Variants in NUP42 observed in about 807,000 individuals in gnomAD.
NUP42 encodes the protein nucleoporin 42.
Under a neutral mutation model 35.9 loss-of-function variants are expected in NUP42, and 47 were observed. That is an observed-to-expected ratio of 1.31 (90% CI 1.04 to 1.67). NUP42 has a LOEUF of 1.67. Among genes scored for constraint, NUP42 ranks in the 40% most tolerant of loss-of-function variants. The pLI is 0.00. For missense variants in NUP42, 514 were observed against 492.2 expected, an observed-to-expected ratio of 1.04 and a Z score of -0.42; for synonymous variants, 173 against 173.3, an observed-to-expected ratio of 1.00 and a Z score of 0.01.
At chr7:23,188,644 AT>A in intron 3 of NUP42, 2 of 578,348 alleles carry the variant, frequency 3.5e-6, no homozygotes, top group Non-Finnish European at 4.4e-6. Context: ...TTTGGGGCAC[AT>A]TTATACTAAA....
intron 2 of NUP42, 109 bp downstream of exon 2, chr7:23,185,407 CTTTAAAAAAAGAAATAATGCATTA>C: frequency 1.3e-6 from 1 of 776,790 alleles, no homozygotes; most frequent in Non-Finnish European, 2.0e-6. Context: ...ACAATATTTT[CTTTAAAAAAAGAAATAATGCATTA>C]TTTTTAAATC....
chr7:23,182,465 A>G, intron 1 of NUP42: 1 of 1,301,044 alleles, frequency 7.7e-7, no homozygotes, highest in Non-Finnish European at 9.8e-7. Context: ...TTAAATCGGA[A>G]GTACCTATCG....
chr7:23,187,578 G>GC (rs1250578066), intron 3 of NUP42, among the ~76,000 whole-genome samples: 3 of 149,872 alleles, frequency 2.0e-5, no homozygotes, highest in Non-Finnish European at 3.0e-5. Flanking sequence ...AGGAGGCTTA[G>GC]CTGGGCTACA....
At chr7:23,195,814 G>C in intron 3 of NUP42, 25 bp from the exon 4 acceptor site, 1 of 1,484,044 alleles carries the variant, frequency 6.7e-7, no homozygotes, top group Non-Finnish European at 9.3e-7. Flanking sequence ...TTATTTTAAA[G>C]ATTCCGATTG....
At chr7:23,187,401 A>G (rs1202458383) in intron 3 of NUP42, 1 of 281,016 alleles carries the variant, frequency 3.6e-6, no homozygotes, top group East Asian at 7.5e-5. Flanking sequence ...TACGTTCTTG[A>G]TTCCCTGTAT....
chr7:23,192,646 T>C (rs975775908), intron 3 of NUP42, among the ~76,000 whole-genome samples: 1 of 152,080 alleles, frequency 6.6e-6, no homozygotes, highest in Admixed American at 6.5e-5. Context: ...TTCATCCTTA[T>C]TGTCTTTATG....
intron 3 of NUP42, among the ~76,000 whole-genome samples, chr7:23,193,005 G>C (rs1029186400): frequency 1.3e-5 from 2 of 152,068 alleles, no homozygotes; most frequent in Admixed American, 1.3e-4. Flanking sequence ...CCTTCTGGTG[G>C]GGTCCGTGGT....
Position 23,183,482 on chromosome 7 carries a change from A to G in NUP42, c.121+1276A>G, listed in dbSNP as rs567068692. ...GTGATACTCCCGCTTCCGTCTTTCA[A>G]AGTGCTGGGATTACAGGCGTGAGCG... On this transcript the variant is annotated intron_variant, in intron 1 of 6. Transcript: ENST00000258742. 6.1e-4 allele frequency among the ~76,000 whole-genome samples: 93 copies of G among 152,256 alleles called. 1 individual carries two copies. The highest frequency in any genetic ancestry group is 8.5e-4 in the Non-Finnish European group (58 of 68,018).
intron 1 of NUP42, chr7:23,182,623 G>A: frequency 1.7e-6 from 1 of 599,280 alleles, no homozygotes; most frequent in Non-Finnish European, 2.1e-6. Context: ...AAACCGGCCG[G>A]GCGGTGGCTC....
rs983366987 is a variant in NUP42 at position 23,185,898 on chromosome 7, C to A, written c.350+600C>A. Among the ~76,000 whole-genome samples the A allele has an allele frequency of 7.2e-5, 11 of 152,280 alleles. No individual in the cohort carries two copies. In the South Asian group the frequency reaches 1.9e-3, roughly 26 times the overall value. ...GGGATTACAGGCTCCTGCCACCAAG[C>A]CAGCTAATTTTTTGTGTTTTTAGTA... is the stretch of plus-strand genomic sequence containing the variant. On this transcript the variant is annotated intron_variant, in intron 2 of 6. Transcript: ENST00000258742.
intron 3 of NUP42, 162 bp from the exon 4 acceptor site, chr7:23,195,677 C>T (rs1278712579): frequency 8.8e-5 from 45 of 508,590 alleles, no homozygotes; most frequent in Non-Finnish European, 3.4e-6. Flanking sequence ...TGTAATTTTA[C>T]ACTTTATTAA....
intron 1 of NUP42, among the ~76,000 whole-genome samples, chr7:23,182,722 A>G (rs13242438): frequency 4.7e-5 from 6 of 128,446 alleles, no homozygotes; most frequent in South Asian, 2.5e-4. Flanking sequence ...ATAGTGAAAC[A>G]CCGTCTTTAC....
In NUP42 at chr7:23,182,189, CGCAGCA is replaced by C; in HGVS notation, c.110_115del (p.Gln37_Gln38del). ...GGTGCAGGAGGAGGACGGCAGCAACCGCAGCAGCAGCCTTCAGGTGACTCTCCTCTG... is the reference window on the plus strand; with the variant it reads ...GGTGCAGGAGGAGGACGGCAGCAACCGCAGCCTTCAGGTGACTCTCCTCTG... On this transcript the variant is annotated inframe_deletion, in exon 1 of 7. Transcript: ENST00000258742. 3 of 1,612,280 alleles carry C rather than the reference CGCAGCA, an allele frequency of 1.9e-6. No homozygotes were observed. Among genetic ancestry groups the C allele is most frequent in the Non-Finnish European group, 1.7e-6 (2 of 1,179,170 alleles).
intron 3 of NUP42, chr7:23,187,996 T>C: frequency 1.0e-6 from 1 of 970,998 alleles, no homozygotes. Flanking sequence ...CTCTCTCTTT[T>C]TTTATTTTTT....
At position 23,195,924 on chromosome 7, in the gene NUP42, G is replaced by C. The variant is rs1417555285; in HGVS notation, c.522+9G>C. 2.6e-6 allele frequency: 4 copies of C among 1,544,250 alleles called. No homozygotes were observed. Among genetic ancestry groups the C allele is most frequent in the African/African-American group, 1.4e-5 (1 of 72,976 alleles). ...ATAACTTACAGAGTTATGTAAGTTT[G>C]TTTCCTATTAATCTACTGCAATAAC... On this transcript the variant is annotated intron_variant, in intron 4 of 6. Transcript: ENST00000258742.
intron 3 of NUP42, chr7:23,187,972 C>A: frequency 1.3e-6 from 1 of 745,592 alleles, no homozygotes; most frequent in Non-Finnish European, 2.1e-6. Flanking sequence ...ATAGCATTTG[C>A]TTTAGAATAT....
chr7:23,199,316 T>G, intron 5 of NUP42, 142 bp from the exon 6 acceptor site: 4 of 638,688 alleles, frequency 6.3e-6, no homozygotes, highest in Non-Finnish European at 8.4e-6. Flanking sequence ...CCTCCCAAAG[T>G]GCTAGGATTA....
intron 3 of NUP42, among the ~76,000 whole-genome samples, chr7:23,190,542 G>T (rs549575329): frequency 6.6e-6 from 1 of 152,204 alleles, no homozygotes; most frequent in African/African-American, 2.4e-5. Context: ...ACATTCTTTG[G>T]GGTCCTTAAT....
rs556266092 is a variant in NUP42 at position 23,192,893 on chromosome 7, C to G, written c.446-2946C>G. The stretch of plus-strand genomic sequence containing the variant: ...GGTGGGTTCTTGGTCTCACTGACTT[C>G]AAGAATGAAGCCACGGACCCTCGCG... On this transcript the variant is annotated intron_variant, in intron 3 of 6. Coordinates refer to ENST00000258742, the MANE Select transcript of NUP42 (RefSeq NM_007342.3). Among the ~76,000 whole-genome samples the G allele has an allele frequency of 6.6e-5, 10 of 152,310 alleles. 1 individual carries two copies. The South Asian group carries it at 1.9e-3, about 28-fold the overall frequency.
Sources: allele counts gnomAD v4.1 joint callset (sites outside exome capture counted in the v4.1 genomes callset), GRCh38; gene constraint gnomAD v4.1.1; transcripts MANE v1.5; gene names NCBI Gene and HGNC (gene_info 2026-07-23, HGNC 2026-07-21).